Variants in CDH18 observed in about 807,000 individuals in gnomAD.
CDH18 encodes cadherin-18.
In CDH18, 31 loss-of-function variants were observed where a neutral mutation model predicts 67.9. The ratio of observed to expected loss-of-function variants is 0.46; its 90% CI spans 0.34 to 0.62. The LOEUF (loss-of-function observed/expected upper bound fraction) is 0.62. Among genes scored for constraint, CDH18 ranks in the 20% least tolerant of loss-of-function variants. CDH18 has a pLI of 0.01. For synonymous variants in CDH18, 362 were observed against 347.2 expected, an observed-to-expected ratio of 1.04 and a Z score of -0.48; for missense variants, 890 against 975.5, an observed-to-expected ratio of 0.91 and a Z score of 1.17.
intron 2 of CDH18, among the ~76,000 whole-genome samples, chr5:20,111,220 TTTC>T (rs1747430286): frequency 6.6e-6 from 1 of 152,168 alleles, no homozygotes; most frequent in African/African-American, 2.4e-5. Flanking sequence ...GACATATAAT[TTTC>T]TTTTCTCTTC....
At chr5:19,910,100 T>C (rs1246144270) in intron 2 of CDH18, among the ~76,000 whole-genome samples, 1 of 152,176 alleles carries the variant, frequency 6.6e-6, no homozygotes, top group Non-Finnish European at 1.5e-5. Flanking sequence ...TCTTTTCTTT[T>C]CAGGAAATAA....
chr5:19,736,778 A>G (rs1004485291), intron 4 of CDH18, among the ~76,000 whole-genome samples: 8 of 152,190 alleles, frequency 5.3e-5, no homozygotes, highest in African/African-American at 1.9e-4. Flanking sequence ...CAACTTCCAC[A>G]ATATTCCATG....
intron 2 of CDH18, among the ~76,000 whole-genome samples, chr5:20,206,445 A>G (rs1739896886): frequency 6.6e-6 from 1 of 151,974 alleles, no homozygotes; most frequent in Non-Finnish European, 1.5e-5. Context: ...GTCTTCAAAA[A>G]AAAATTAAAG....
chr5:20,030,095 C>G (rs1739258619), intron 2 of CDH18, among the ~76,000 whole-genome samples: 1 of 152,162 alleles, frequency 6.6e-6, no homozygotes, highest in African/African-American at 2.4e-5. Context: ...CATTAAAGAA[C>G]TATCCTATTG....
chr5:20,464,121 G>A (rs1367076231), intron 1 of CDH18, among the ~76,000 whole-genome samples: 1 of 151,990 alleles, frequency 6.6e-6, no homozygotes, highest in Non-Finnish European at 1.5e-5. Flanking sequence ...AACTGATGAG[G>A]CTGACACACA....
At chr5:20,421,366 G>GT (rs58998709) in intron 1 of CDH18, among the ~76,000 whole-genome samples, 51,662 of 146,296 alleles carry the variant, frequency 0.35, 10,918 homozygotes, top group African/African-American at 0.55. Context: ...CAATCACTTG[G>GT]TTTTTTTTTT....
At chr5:19,665,684 C>T (rs997829029) in intron 5 of CDH18, among the ~76,000 whole-genome samples, 2 of 151,864 alleles carry the variant, frequency 1.3e-5, no homozygotes, top group Admixed American at 1.3e-4. Context: ...TAAAAAAGGG[C>T]ATTCTTCTGG....
chr5:19,634,092 C>T (rs1437395021), intron 5 of CDH18, among the ~76,000 whole-genome samples: 1 of 152,060 alleles, frequency 6.6e-6, no homozygotes. Flanking sequence ...ATCCCTTTTC[C>T]CCAAAATAAG....
At chr5:19,895,221 G>A (rs1242698734) in intron 2 of CDH18, among the ~76,000 whole-genome samples, 2 of 152,128 alleles carry the variant, frequency 1.3e-5, no homozygotes, top group African/African-American at 4.8e-5. Flanking sequence ...AGAAACTTGA[G>A]CTGAAATAGG....
chr5:19,985,782 T>A (rs1799506157), intron 1 of CDH18, among the ~76,000 whole-genome samples: 1 of 152,180 alleles, frequency 6.6e-6, no homozygotes, highest in Non-Finnish European at 1.5e-5. Context: ...ACATGCTTTG[T>A]CTTTAATGTC....
intron 1 of CDH18, among the ~76,000 whole-genome samples, chr5:20,356,158 G>A (rs528407313): frequency 1.6e-3 from 237 of 152,234 alleles, no homozygotes; most frequent in Non-Finnish European, 2.6e-3. Context: ...CGAGGTGGGC[G>A]GATCACCTGA....
At chr5:20,428,628 T>C (rs903701348) in intron 1 of CDH18, among the ~76,000 whole-genome samples, 3 of 152,202 alleles carry the variant, frequency 2.0e-5, no homozygotes, top group African/African-American at 7.2e-5. Flanking sequence ...TTTTTGATAA[T>C]TGCCATTTTA....
chr5:20,501,132 C>A (rs1414790314), intron 1 of CDH18, among the ~76,000 whole-genome samples: 1 of 152,016 alleles, frequency 6.6e-6, no homozygotes, highest in Admixed American at 6.6e-5. Flanking sequence ...AGCTGAGTGA[C>A]TTTACTTCCC....
chr5:19,500,347 G>T (rs1039326555), intron 11 of CDH18, among the ~76,000 whole-genome samples: 1 of 151,996 alleles, frequency 6.6e-6, no homozygotes. Flanking sequence ...AAGACCATTT[G>T]ATTCTAATAT....
chr5:20,388,583 A>G (rs1744526581), intron 1 of CDH18, among the ~76,000 whole-genome samples: 1 of 151,706 alleles, frequency 6.6e-6, no homozygotes, highest in African/African-American at 2.4e-5. Context: ...TTCTGCTCTG[A>G]TCTTAGTTAT....
intron 2 of CDH18, among the ~76,000 whole-genome samples, chr5:20,057,043 G>C (rs942083730): frequency 7.2e-5 from 11 of 152,060 alleles, no homozygotes; most frequent in Admixed American, 5.2e-4. Context: ...TTGTTTATTT[G>C]TACAAATCTA....
intron 5 of CDH18, among the ~76,000 whole-genome samples, chr5:19,625,189 C>T (rs1393887589): frequency 6.6e-6 from 1 of 152,144 alleles, no homozygotes; most frequent in African/African-American, 2.4e-5. Context: ...AATACTGGCC[C>T]CAGGCAATTA....
chr5:20,042,684 C>A (rs1740536632), intron 2 of CDH18, among the ~76,000 whole-genome samples: 1 of 152,174 alleles, frequency 6.6e-6, no homozygotes, highest in Non-Finnish European at 1.5e-5. Context: ...ATTTTATGGG[C>A]CGGGTGCGGT....
intron 3 of CDH18, among the ~76,000 whole-genome samples, chr5:19,765,366 A>G (rs746344174): frequency 6.6e-6 from 1 of 150,912 alleles, no homozygotes; most frequent in Non-Finnish European, 1.5e-5. Context: ...AAAAAAGACA[A>G]TCTCAATCTA....
Sources: allele counts gnomAD v4.1 joint callset (sites outside exome capture counted in the v4.1 genomes callset), GRCh38; gene constraint gnomAD v4.1.1; transcripts MANE v1.5; gene names NCBI Gene and HGNC (gene_info 2026-07-23, HGNC 2026-07-21).